PAN3: variants seen among roughly 807,000 people sequenced by gnomAD.
PAN3 encodes the protein poly(A) specific ribonuclease subunit PAN3.
Under a neutral mutation model 96.2 loss-of-function variants are expected in PAN3, and 19 were observed. The ratio of observed to expected loss-of-function variants is 0.20; its 90% CI spans 0.14 to 0.29. The LOEUF is 0.29. Ranked by LOEUF, PAN3 falls within the 10% of genes least tolerant of loss-of-function variation. PAN3 has a pLI of 1.00. For synonymous variants in PAN3, 433 were observed against 406.6 expected, an observed-to-expected ratio of 1.06 and a Z score of -0.78; for missense variants, 882 against 1,108.1, an observed-to-expected ratio of 0.80 and a Z score of 2.90.
chr13:28,283,183 G>A (rs572136684), intron 17 of PAN3, among the ~76,000 whole-genome samples: 1 of 152,024 alleles, frequency 6.6e-6, no homozygotes, highest in Admixed American at 6.6e-5. Context: ...AGTGTAGCTG[G>A]GATTACAGGC....
intron 5 of PAN3, among the ~76,000 whole-genome samples, chr13:28,211,732 T>G (rs1880058027): frequency 6.6e-6 from 1 of 152,184 alleles, no homozygotes; most frequent in South Asian, 2.1e-4. Context: ...GACTTACCTC[T>G]CTTCAGAAAC....
At chr13:28,187,140 A>T (rs1450046505) in intron 4 of PAN3, among the ~76,000 whole-genome samples, 2 of 152,094 alleles carry the variant, frequency 1.3e-5, no homozygotes, top group East Asian at 3.9e-4. Context: ...CAGCCTGGGC[A>T]ACATGGCGAA....
At chr13:28,234,487 T>C (rs939376230) in intron 6 of PAN3, among the ~76,000 whole-genome samples, 1 of 152,236 alleles carries the variant, frequency 6.6e-6, no homozygotes, top group Admixed American at 6.5e-5. Flanking sequence ...GTAAAAATTA[T>C]AGGTAACAAG....
chr13:28,209,624 G>A (rs756950447), intron 5 of PAN3, among the ~76,000 whole-genome samples: 1 of 151,970 alleles, frequency 6.6e-6, no homozygotes, highest in South Asian at 2.1e-4. Flanking sequence ...ATAAAAAAGT[G>A]CTGTGCTAAC....
At chr13:28,222,374 C>T (rs1163160297) in intron 6 of PAN3, among the ~76,000 whole-genome samples, 1 of 152,042 alleles carries the variant, frequency 6.6e-6, no homozygotes, top group Non-Finnish European at 1.5e-5. Context: ...GTTATTCTAG[C>T]TCCTCTTAAC....
chr13:28,279,751 T>C, intron 15 of PAN3, among the ~76,000 whole-genome samples: 1 of 151,320 alleles, frequency 6.6e-6, no homozygotes, highest in Non-Finnish European at 1.5e-5. Context: ...AGAACGAGAC[T>C]CTGTCACCAA....
intron 17 of PAN3, among the ~76,000 whole-genome samples, chr13:28,283,026 A>T (rs1868483768): frequency 6.6e-6 from 1 of 152,006 alleles, no homozygotes; most frequent in Non-Finnish European, 1.5e-5. Context: ...ATGCATACTA[A>T]ATTCTAGATT....
At chr13:28,230,310 A>G (rs1164079959) in intron 6 of PAN3, among the ~76,000 whole-genome samples, 1 of 152,110 alleles carries the variant, frequency 6.6e-6, no homozygotes, top group East Asian at 1.9e-4. Flanking sequence ...GAGACAAAAT[A>G]TAAATTAGTT....
At chr13:28,266,640 T>A (rs1387525848) in intron 9 of PAN3, 75 bp from the exon 10 acceptor site, 13 of 1,197,490 alleles carry the variant, frequency 1.1e-5, no homozygotes, top group Admixed American at 5.1e-5. Flanking sequence ...ATAGTAAATA[T>A]CATGTCTTCT....
rs1450890886 is a variant in PAN3 at position 28,176,506 on chromosome 13, G to A, written c.566G>A (p.Ser189Asn). The A allele has an allele frequency of 1.2e-6, 2 of 1,613,734 alleles. No homozygotes were observed. The highest frequency in any genetic ancestry group is 1.7e-6 in the Non-Finnish European group (2 of 1,179,708). Residue 189 changes from serine (S) to asparagine (N), a missense_variant, in exon 3 of 19, where the codon AGT (serine) becomes AAT (asparagine). This residue lies in a region of PAN3 where 442 missense variants were observed against 422.8 expected (regional missense o/e 1.05). Transcript: ENST00000380958. ...TTTGTTTTTCAGAGAATGACTAATA[G>A]TAGCAGCTCCCCAAGCCTTCTAAAT... ...KYPLMQRMTN[S>N]SSSPSLLNDS...
chr13:28,250,914 CT>C (rs1485519997), intron 6 of PAN3, among the ~76,000 whole-genome samples: 1 of 152,108 alleles, frequency 6.6e-6, no homozygotes, highest in Non-Finnish European at 1.5e-5. Context: ...TTCTTTTCTT[CT>C]TTTCCTGGAT....
chr13:28,251,755 CT>C (rs1884742543), intron 6 of PAN3, among the ~76,000 whole-genome samples: 1 of 152,072 alleles, frequency 6.6e-6, no homozygotes, highest in African/African-American at 2.4e-5. Flanking sequence ...TTCGTGTACC[CT>C]TGTGGGCCTT....
chr13:28,198,797 A>C (rs1355608875), intron 5 of PAN3, among the ~76,000 whole-genome samples: 1 of 152,188 alleles, frequency 6.6e-6, no homozygotes, highest in Non-Finnish European at 1.5e-5. Context: ...AAAGGTAACA[A>C]ATTGGTTTTA....
chr13:28,206,865 A>T (rs1388618827), intron 5 of PAN3, among the ~76,000 whole-genome samples: 4 of 151,856 alleles, frequency 2.6e-5, no homozygotes, highest in Non-Finnish European at 4.4e-5. Flanking sequence ...CATGTCTTCA[A>T]TACTTCAGCT....
chr13:28,154,539 G>T (rs189340871), intron 1 of PAN3, among the ~76,000 whole-genome samples: 40 of 152,016 alleles, frequency 2.6e-4, no homozygotes, highest in African/African-American at 9.4e-4. Context: ...TTGTCGCCCA[G>T]GGTGGAGTAC....
chr13:28,275,744 C>T (rs1207037648), intron 14 of PAN3, among the ~76,000 whole-genome samples: 1 of 152,178 alleles, frequency 6.6e-6, no homozygotes, highest in Non-Finnish European at 1.5e-5. Context: ...TTCTCCTTCC[C>T]ATGCCAGCTT....
At chr13:28,227,301 G>A (rs1190998457) in intron 6 of PAN3, among the ~76,000 whole-genome samples, 2 of 152,162 alleles carry the variant, frequency 1.3e-5, no homozygotes, top group African/African-American at 2.4e-5. Flanking sequence ...GGAATCCCTG[G>A]TTAATGGGTC....
chr13:28,284,376 T>C (rs902293798), intron 17 of PAN3, among the ~76,000 whole-genome samples: 2 of 149,658 alleles, frequency 1.3e-5, no homozygotes, highest in Admixed American at 6.6e-5. Context: ...TTCACTCTTT[T>C]TGTGATTTTT....
chr13:28,285,933 G>C (rs1240222040), intron 17 of PAN3, among the ~76,000 whole-genome samples: 2 of 151,970 alleles, frequency 1.3e-5, no homozygotes, highest in Admixed American at 1.3e-4. Flanking sequence ...TCCATTCCCT[G>C]CAGTATCTCA....
Sources: gnomAD v4.1 joint callset for allele counts (sites outside exome capture counted in the v4.1 genomes callset) on GRCh38, gnomAD v4.1.1 for gene constraint, gnomAD v4.1.1 regional missense constraint, MANE v1.5 for transcripts, NCBI Gene and HGNC (gene_info 2026-07-23, HGNC 2026-07-21) for gene names.